TANC2: variants seen among roughly 807,000 people sequenced by gnomAD.
TANC2 encodes protein TANC2.
In TANC2, 26 loss-of-function variants were observed where a neutral mutation model predicts 210.5. The observed-to-expected ratio is 0.12, with a 90% CI of 0.09 to 0.17. TANC2 has a LOEUF of 0.17. Among genes scored for constraint, TANC2 ranks in the 10% least tolerant of loss-of-function variants. The pLI is 1.00. For synonymous variants in TANC2, 931 were observed against 967.1 expected, an observed-to-expected ratio of 0.96 and a Z score of 0.69; for missense variants, 2,129 against 2,608.9, an observed-to-expected ratio of 0.82 and a Z score of 4.01.
At chr17:63,293,403 A>G (rs1197864467) in intron 9 of TANC2, among the ~76,000 whole-genome samples, 1 of 152,214 alleles carries the variant, frequency 6.6e-6, no homozygotes, top group East Asian at 1.9e-4. Flanking sequence ...CTTTTGCTCA[A>G]AGGAACAGAG....
rs2147435289 is a variant in TANC2 at position 63,421,898 on chromosome 17, G to A, written c.6168G>A (p.Arg2056=). 1 of 1,613,962 alleles carries A rather than the reference G, an allele frequency of 6.2e-7. No individual in the cohort carries two copies. ...ACAGGCAGCTGTCCCGAGACTCTCG[G>A]CAAGGGCAGACATCCCCTATCAAAC... Residue 2056 remains arginine, a synonymous_variant, in exon 28 of 28, where the codon CGG becomes CGA. Transcript: ENST00000689528. The surrounding 1 kb of genome is among the most constrained non-coding windows in gnomAD (Gnocchi z 6.9).
intron 2 of TANC2, among the ~76,000 whole-genome samples, chr17:63,047,760 C>T (rs889128302): frequency 2.6e-5 from 4 of 151,978 alleles, no homozygotes; most frequent in Admixed American, 6.6e-5. Flanking sequence ...AGGTTCATGA[C>T]GGAGACCCCT....
chr17:63,278,307 G>A (rs1046462337), intron 9 of TANC2, among the ~76,000 whole-genome samples: 3 of 152,198 alleles, frequency 2.0e-5, no homozygotes, highest in Admixed American at 6.5e-5. Flanking sequence ...TTTAAAAATG[G>A]ACAAAGGACT....
intron 4 of TANC2, among the ~76,000 whole-genome samples, chr17:63,123,135 G>T (rs1287853893): frequency 6.6e-6 from 1 of 152,102 alleles, no homozygotes; most frequent in Non-Finnish European, 1.5e-5. Context: ...GAATATGAAA[G>T]ATCTGCCAAA....
chr17:63,331,899 T>A (rs1306765302), intron 11 of TANC2: 1 of 219,596 alleles, frequency 4.6e-6, no homozygotes, highest in African/African-American at 2.4e-5. Flanking sequence ...TGTATTTATT[T>A]ATATTTAAAA....
Position 63,412,167 on chromosome 17 carries a change from C to T in TANC2, c.3898+37C>T. On this transcript the variant is annotated intron_variant, in intron 23 of 27. Coordinates refer to ENST00000689528, the Ensembl canonical transcript of TANC2. This position sits in a 1 kb window ranked among gnomAD's most constrained non-coding sequence, Gnocchi z 4.2. ...GAAGAGGATGTTGGCCATCTGTGCC[C>T]AGGGGCCAGACTGGTCCAGTGGTCT... 1 of 1,613,518 alleles carries T rather than the reference C, an allele frequency of 6.2e-7. No individual in the cohort carries two copies. Among genetic ancestry groups the T allele is most frequent in the South Asian group, 1.1e-5 (1 of 90,992 alleles).
At chr17:63,163,175 C>A (rs535994967) in intron 5 of TANC2, among the ~76,000 whole-genome samples, 3 of 151,960 alleles carry the variant, frequency 2.0e-5, no homozygotes, top group African/African-American at 7.2e-5. Context: ...GTTTTAGGTA[C>A]CAATAGGCTC....
intron 8 of TANC2, among the ~76,000 whole-genome samples, chr17:63,256,301 C>T (rs956203507): frequency 6.6e-6 from 1 of 152,100 alleles, no homozygotes; most frequent in South Asian, 2.1e-4. Flanking sequence ...AGTTCTGTTT[C>T]CATTTTAATT....
intron 14 of TANC2, among the ~76,000 whole-genome samples, chr17:63,370,999 G>A (rs961663391): frequency 5.9e-5 from 9 of 152,102 alleles, no homozygotes; most frequent in Non-Finnish European, 7.3e-5. Context: ...CATAATTCTC[G>A]TCTCACTAGG....
intron 4 of TANC2, among the ~76,000 whole-genome samples, chr17:63,112,516 T>C (rs2038089715): frequency 6.6e-6 from 1 of 152,216 alleles, no homozygotes; most frequent in African/African-American, 2.4e-5. Context: ...CTCAGAACTC[T>C]AGGACCCAAA....
Position 63,013,510 on chromosome 17 carries a change from C to G in TANC2, c.67+3884C>G, listed in dbSNP as rs570139204. Among the ~76,000 whole-genome samples the G allele has an allele frequency of 4.6e-5, 7 of 152,120 alleles. 1 individual carries two copies. In the South Asian group the frequency reaches 1.5e-3, roughly 32 times the overall value. On this transcript the variant is annotated intron_variant, in intron 2 of 27. Transcript: ENST00000689528. ...GTGTGGCAGTGCACGCCTGATAATC[C>G]TAGCACTTTGGGAGGCCGAGGCAGG...
At chr17:63,354,659 T>C in intron 13 of TANC2, 124 bp from the exon 14 acceptor site, 1 of 1,280,034 alleles carries the variant, frequency 7.8e-7, no homozygotes, top group Non-Finnish European at 1.1e-6. Context: ...TACTAATACT[T>C]GATCATGTTT....
At chr17:63,312,798 T>G (rs754300022) in intron 9 of TANC2, among the ~76,000 whole-genome samples, 1 of 152,204 alleles carries the variant, frequency 6.6e-6, no homozygotes, top group Non-Finnish European at 1.5e-5. Context: ...TAAGTGACCC[T>G]GTAGCTTTAT....
chr17:63,237,762 A>C, intron 7 of TANC2, 52 bp from the exon 8 acceptor site: 1 of 1,463,554 alleles, frequency 6.8e-7, no homozygotes, highest in African/African-American at 1.4e-5. Context: ...TCAAAGATTA[A>C]TAACTGTATG....
chr17:63,322,756 AT>A (rs1344275580), intron 11 of TANC2, among the ~76,000 whole-genome samples: 2 of 152,224 alleles, frequency 1.3e-5, no homozygotes, highest in Admixed American at 6.5e-5. Flanking sequence ...ATCACAGAGA[AT>A]TAATTCTCCT....
At chr17:63,112,856 A>G (rs573331763) in intron 4 of TANC2, among the ~76,000 whole-genome samples, 368 of 152,296 alleles carry the variant, frequency 2.4e-3, no homozygotes, top group Non-Finnish European at 4.5e-3. Flanking sequence ...AAACATGGAA[A>G]ATACCATGAA....
chr17:63,238,024 A>G (rs1182234949), exon 8 of TANC2: 8 of 1,558,254 alleles, frequency 5.1e-6, no homozygotes, highest in Non-Finnish European at 7.0e-6. Context: ...GTGTTATCTC[A>G]ATCAGTACAG....
intron 8 of TANC2, among the ~76,000 whole-genome samples, chr17:63,262,287 C>G (rs1351694114): frequency 6.6e-6 from 1 of 152,072 alleles, no homozygotes; most frequent in Non-Finnish European, 1.5e-5. Flanking sequence ...TCAAGCAATT[C>G]TCTCACCTCA....
At chr17:63,171,855 A>G (rs548266495) in intron 5 of TANC2, among the ~76,000 whole-genome samples, 32 of 152,326 alleles carry the variant, frequency 2.1e-4, no homozygotes, top group Non-Finnish European at 3.8e-4. Flanking sequence ...TAAAATCTAA[A>G]GGTATTATTT....
Sources: gnomAD v4.1 joint callset for allele counts (sites outside exome capture counted in the v4.1 genomes callset) on GRCh38, gnomAD v4.1.1 for gene constraint, Gnocchi (gnomAD v3.1) non-coding constraint, MANE v1.5 for transcripts, NCBI Gene and HGNC (gene_info 2026-07-23, HGNC 2026-07-21) for gene names.